MTIF2: variants seen among roughly 807,000 people sequenced by gnomAD.
MTIF2 encodes the protein mitochondrial translational initiation factor 2, also known as translation initiation factor IF-2, mitochondrial.
A neutral mutation model predicts 83.5 loss-of-function variants in MTIF2; 71 were observed. The ratio of observed to expected loss-of-function variants is 0.85; its 90% CI spans 0.70 to 1.04. MTIF2 has a LOEUF of 1.04. Ranked by LOEUF, MTIF2 falls within the 50% of genes least tolerant of loss-of-function variation. The pLI is 0.00. For synonymous variants in MTIF2, 319 were observed against 287.1 expected, an observed-to-expected ratio of 1.11 and a Z score of -1.12; for missense variants, 957 against 846.5, an observed-to-expected ratio of 1.13 and a Z score of -1.62.
Position 55,267,569 on chromosome 2 carries a change from T to C in MTIF2, c.-8A>G, listed in dbSNP as rs1390498908. ...AAAGGAACCTTAGGTGGACACTCACTCTGACAGTCAGTGTTATCTGGACTC... is the reference window on the plus strand; with the variant it reads ...AAAGGAACCTTAGGTGGACACTCACCCTGACAGTCAGTGTTATCTGGACTC... On this transcript the variant is annotated splice_region_variant and 5_prime_UTR_variant, in exon 3 of 16. Coordinates refer to ENST00000263629, the MANE Select transcript of MTIF2 (RefSeq NM_002453.3). 6.0e-6 allele frequency: 1 copy of C among 166,674 alleles called. No homozygotes were observed. 10.3% of individuals were successfully genotyped at this position (166,674 alleles called of 1,614,324 possible).
At chr2:55,253,831 A>C (rs1212133650) in intron 7 of MTIF2, among the ~76,000 whole-genome samples, 1 of 128,352 alleles carries the variant, frequency 7.8e-6, no homozygotes, top group African/African-American at 2.7e-5. Flanking sequence ...AAAAAAAAAA[A>C]AAAAAAAGTT....
chr2:55,266,078 G>C (rs918573824), intron 3 of MTIF2, among the ~76,000 whole-genome samples: 1 of 152,032 alleles, frequency 6.6e-6, no homozygotes, highest in Non-Finnish European at 1.5e-5. Flanking sequence ...TGCGGCAGCG[G>C]GGGTCCTGGA....
intron 3 of MTIF2, among the ~76,000 whole-genome samples, chr2:55,265,207 C>T (rs1678338995): frequency 6.7e-6 from 1 of 149,062 alleles, no homozygotes; most frequent in Admixed American, 6.8e-5. Flanking sequence ...CATGCCATTG[C>T]ACTCTAGCCT....
At position 55,243,461 on chromosome 2, in the gene MTIF2, C is replaced by T. The variant is rs1676470281; in HGVS notation, c.1519G>A (p.Glu507Lys). ...RKEQIPLKPK[E>K]KRERDSNVLS... ...ACATTTGAATCTCTTTCCCTTTTCT[C>T]TTTTGGCTTTAAGGGTATTTGTTCT... The change falls in exon 12 of 16, where the codon GAG becomes AAG. Residue 507 changes from glutamate (E) to lysine (K), a missense_variant. This residue lies in a region of MTIF2 where 733 missense variants were observed against 648.7 expected (regional missense o/e 1.13). Transcript: ENST00000263629. 6.2e-7 allele frequency: 1 copy of T among 1,612,728 alleles called. No individual in the cohort carries two copies. Among genetic ancestry groups the T allele is most frequent in the Admixed American group, 1.7e-5 (1 of 59,908 alleles).
chr2:55,244,331 C>T, intron 10 of MTIF2, 98 bp from the exon 11 acceptor site: 2 of 895,300 alleles, frequency 2.2e-6, no homozygotes. Flanking sequence ...CATGTGTATA[C>T]ACAAGATTAA....
At chr2:55,238,219 G>C (rs1171384680) in intron 14 of MTIF2, among the ~76,000 whole-genome samples, 2 of 151,122 alleles carry the variant, frequency 1.3e-5, no homozygotes, top group Admixed American at 6.6e-5. Flanking sequence ...TATCTTTCTT[G>C]TTGTGGAGGC....
intron 7 of MTIF2, 48 bp from the exon 8 acceptor site, chr2:55,252,701 C>T (rs747725768): frequency 1.5e-5 from 20 of 1,374,548 alleles, no homozygotes; most frequent in African/African-American, 2.9e-5. Context: ...ACATGTACTT[C>T]CTTAATACCA....
chr2:55,267,385 C>T (rs941031169), intron 3 of MTIF2, among the ~76,000 whole-genome samples, 184 bp downstream of exon 3: 5 of 152,110 alleles, frequency 3.3e-5, no homozygotes, highest in Admixed American at 3.3e-4. Flanking sequence ...TCTTGAACTC[C>T]TGACCTCAGG....
intron 7 of MTIF2, 126 bp downstream of exon 7, chr2:55,253,915 C>T: frequency 9.9e-7 from 1 of 1,007,190 alleles, no homozygotes; most frequent in African/African-American, 1.7e-5. Flanking sequence ...TACATTTCAT[C>T]AAACTAATGA....
At chr2:55,264,358 A>C (rs1164741441) in intron 3 of MTIF2, among the ~76,000 whole-genome samples, 1 of 152,112 alleles carries the variant, frequency 6.6e-6, no homozygotes, top group Admixed American at 6.6e-5. Flanking sequence ...CAGCCTCCCT[A>C]ATAGCTGGGA....
Position 55,243,029 on chromosome 2 carries a change from T to C in MTIF2, c.1616A>G (p.Asp539Gly), listed in dbSNP as rs1238842073. 1 of 1,613,120 alleles carries C rather than the reference T, an allele frequency of 6.2e-7. No individual in the cohort carries two copies. Among genetic ancestry groups the C allele is most frequent in the Non-Finnish European group, 8.5e-7 (1 of 1,179,562 alleles). ...EAILNIIDTY[D>G]ASHECELELV... ...TTCTAGTTCACACTCGTGTGAAGCA[T>C]CATAGGTATCTATAATGTTCAAAAT... is the stretch of plus-strand genomic sequence containing the variant. The change falls in exon 13 of 16, where the codon GAT (aspartate) becomes GGT (glycine). Residue 539 changes from aspartate (D) to glycine (G), a missense_variant. By Grantham distance (94) the Asp-to-Gly change is moderately conservative (BLOSUM62 -1). Around this residue, in one of 3 missense-constraint regions of MTIF2, gnomAD observed 733 missense variants for 648.7 expected, o/e 1.13. Transcript: ENST00000263629.
chr2:55,256,005 T>C lies in MTIF2; in HGVS notation c.332-1180A>G, dbSNP rs545849929. On this transcript the variant is annotated intron_variant, in intron 5 of 15. Transcript: ENST00000263629. ...AATTCTTCTGCCTCAGCCCCCTGAG[T>C]AGCTGGGACTGCAAGTGCACGCCAC... Among the ~76,000 whole-genome samples the C allele has an allele frequency of 1.1e-4, 17 of 152,068 alleles. No individual in the cohort carries two copies. The East Asian group carries it at 3.3e-3, about 29-fold the overall frequency.
Position 55,263,771 on chromosome 2 carries a change from A to ATGC in MTIF2, c.85_87dup (p.Ala29dup). On this transcript the variant is annotated inframe_insertion, in exon 4 of 16. Transcript: ENST00000263629. Reference sequence around the variant, plus strand: ...GAAAACCCATGCCTCCACTGTCTTAATGCTCTTCTTTGACACAGACTGTGC... The same window carrying ATGC: ...GAAAACCCATGCCTCCACTGTCTTAATGCTGCTCTTCTTTGACACAGACTGTGC... 6.2e-7 allele frequency: 1 copy of ATGC among 1,614,160 alleles called. No homozygotes were observed. Among genetic ancestry groups the ATGC allele is most frequent in the Non-Finnish European group, 8.5e-7 (1 of 1,180,016 alleles).
intron 5 of MTIF2, among the ~76,000 whole-genome samples, chr2:55,261,340 T>C (rs538717065): frequency 6.6e-6 from 1 of 152,036 alleles, no homozygotes; most frequent in South Asian, 2.1e-4. Flanking sequence ...CATGGTGGGA[T>C]CACGCCCCTA....
intron 10 of MTIF2, 145 bp downstream of exon 10, chr2:55,246,192 C>T: frequency 3.0e-6 from 3 of 987,256 alleles, no homozygotes; most frequent in Non-Finnish European, 4.3e-6. Flanking sequence ...TTAGTACAAA[C>T]AATAAAATAC....
intron 8 of MTIF2, among the ~76,000 whole-genome samples, chr2:55,251,853 T>C (rs891303910): frequency 6.6e-6 from 1 of 152,128 alleles, no homozygotes. Context: ...GAACTCCCAA[T>C]GACCTCAGGT....
intron 9 of MTIF2, among the ~76,000 whole-genome samples, 183 bp downstream of exon 9, chr2:55,249,212 C>G (rs1048123813): frequency 2.5e-4 from 38 of 152,286 alleles, no homozygotes; most frequent in African/African-American, 8.2e-4. Context: ...TGGTGACTGA[C>G]CTCTCTGAGC....
intron 5 of MTIF2, among the ~76,000 whole-genome samples, chr2:55,261,210 G>A (rs1042104409): frequency 3.3e-5 from 5 of 152,082 alleles, no homozygotes; most frequent in African/African-American, 1.2e-4. Context: ...GGATGGTCTC[G>A]ATCTCCTGAC....
intron 13 of MTIF2, among the ~76,000 whole-genome samples, chr2:55,242,354 C>T (rs984895668): frequency 6.6e-6 from 1 of 152,150 alleles, no homozygotes; most frequent in Non-Finnish European, 1.5e-5. Context: ...CCTAATCACT[C>T]AACAAATGTT....
Sources: gnomAD v4.1 joint callset for allele counts (sites outside exome capture counted in the v4.1 genomes callset) on GRCh38, gnomAD v4.1.1 for gene constraint, gnomAD v4.1.1 regional missense constraint, MANE v1.5 for transcripts, NCBI Gene and HGNC (gene_info 2026-07-23, HGNC 2026-07-21) for gene names.